ARHGEF16: variants seen among roughly 807,000 people sequenced by gnomAD.
ARHGEF16 encodes Rho guanine nucleotide exchange factor 16.
Under a neutral mutation model 74.1 loss-of-function variants are expected in ARHGEF16, and 59 were observed. The ratio of observed to expected loss-of-function variants is 0.80; its 90% CI spans 0.65 to 0.99. ARHGEF16 has a LOEUF of 0.99. Ranked by LOEUF, ARHGEF16 falls within the 50% of genes least tolerant of loss-of-function variation. ARHGEF16 has a pLI of 0.00. For missense variants in ARHGEF16, 948 were observed against 986.6 expected (o/e 0.96, Z 0.52); for synonymous variants, 415 against 412.6 (o/e 1.01, Z -0.07).
chr1:3,454,972 C>G (rs1639232596), intron 1 of ARHGEF16, among the ~76,000 whole-genome samples, 161 bp downstream of exon 1: 1 of 152,152 alleles, frequency 6.6e-6, no homozygotes, highest in Non-Finnish European at 1.5e-5. Flanking sequence ...AACTTCGCGA[C>G]CCTCCTGGGG....
Position 3,480,493 on chromosome 1 carries a change from T to TC in ARHGEF16, c.2040dup (p.Glu681ArgfsTer53), listed in dbSNP as rs1640026593. The stretch of plus-strand genomic sequence containing the variant: ...CTCCGGGACGGAGAGACGGGATGGT[T>TC]CCCCGAGGACTTTGCCCGCTTCATC... On this transcript the variant is annotated frameshift_variant, in exon 15 of 15. Coordinates refer to ENST00000378378, the MANE Select transcript of ARHGEF16 (RefSeq NM_014448.4). LOFTEE classifies it high-confidence loss of function. 1 of 1,612,596 alleles carries TC rather than the reference T, an allele frequency of 6.2e-7. No individual in the cohort carries two copies. The highest frequency in any genetic ancestry group is 1.7e-5 in the Admixed American group (1 of 60,028).
Position 3,480,662 on chromosome 1 carries a change from TG to T in ARHGEF16, c.*79del. 6.5e-7 allele frequency: 1 copy of T among 1,541,350 alleles called. No individual in the cohort carries two copies. The highest frequency in any genetic ancestry group is 8.7e-7 in the Non-Finnish European group (1 of 1,146,130). On this transcript the variant is annotated 3_prime_UTR_variant, in exon 15 of 15. Transcript: ENST00000378378. ...TGGTCGTGCCTGGCTCTAGAGAGCGTGGGGAGCTGGTCTCAAGGACCCAGCA... is the reference window on the plus strand; with the variant it reads ...TGGTCGTGCCTGGCTCTAGAGAGCGTGGGAGCTGGTCTCAAGGACCCAGCA...
At chr1:3,465,567 G>A (rs950284966) in intron 2 of ARHGEF16, among the ~76,000 whole-genome samples, 1 of 142,950 alleles carries the variant, frequency 7.0e-6, no homozygotes, top group Non-Finnish European at 1.6e-5. Flanking sequence ...GCCCCAACTC[G>A]TTCCGAGAAA....
intron 2 of ARHGEF16, among the ~76,000 whole-genome samples, chr1:3,465,656 C>T (rs1326733743): frequency 1.3e-5 from 2 of 152,180 alleles, no homozygotes; most frequent in Admixed American, 6.5e-5. Flanking sequence ...GGGTGGGCTC[C>T]GAGTCGGGCA....
chr1:3,461,934 A>G (rs994089278), intron 1 of ARHGEF16, among the ~76,000 whole-genome samples: 1 of 152,114 alleles, frequency 6.6e-6, no homozygotes, highest in Admixed American at 6.5e-5. Flanking sequence ...TGCCATTCCC[A>G]AGGGGCAGAA....
In ARHGEF16 at chr1:3,467,462, G is replaced by A; in HGVS notation, c.804+125G>A. The A allele has an allele frequency of 3.3e-6, 4 of 1,206,768 alleles. No individual in the cohort carries two copies. In the South Asian group the frequency reaches 4.8e-5, roughly 15 times the overall value. The allele number at this position is 1,206,768 out of a possible 1,614,324, so 74.8% of individuals were successfully genotyped here. A position where few individuals can be genotyped will look rare whatever the true frequency, so the allele number is the denominator to read the frequency against. On this transcript the variant is annotated intron_variant, in intron 4 of 14. Coordinates refer to ENST00000378378, the MANE Select transcript of ARHGEF16 (RefSeq NM_014448.4). Reference sequence around the variant, plus strand: ...GCAGCCCAGTCCTCCCAGGGAGGGTGGGCAGCCTTCCCAGAAGCCCCTCGG... The same window carrying A: ...GCAGCCCAGTCCTCCCAGGGAGGGTAGGCAGCCTTCCCAGAAGCCCCTCGG...
In ARHGEF16 at chr1:3,463,619, G is replaced by T. The variant is rs1022809354; in HGVS notation, c.535G>T (p.Ala179Ser). The change falls in exon 2 of 15, where the codon GCT (alanine) becomes TCT (serine). Residue 179 changes from alanine (A) to serine (S), a missense_variant. Transcript: ENST00000378378. ...CATCCAGCTAAGCCCTAAGCTCCAG[G>T]CTCTGGCTGAGGAACCCAGCCAGCC... ...DAIQLSPKLQ[A>S]LAEEPSQPHT... 7.0e-7 allele frequency: 1 copy of T among 1,432,376 alleles called. No individual in the cohort carries two copies. Among genetic ancestry groups the T allele is most frequent in the Non-Finnish European group, 9.2e-7 (1 of 1,088,040 alleles). 88.7% of individuals were successfully genotyped at this position (1,432,376 alleles called of 1,614,324 possible).
intron 13 of ARHGEF16, 40 bp downstream of exon 13, chr1:3,479,630 G>T (rs577006856): frequency 1.9e-6 from 3 of 1,598,668 alleles, no homozygotes; most frequent in Non-Finnish European, 8.5e-7. Context: ...GCCCTCTGCC[G>T]TGGCTGGCAC....
intron 1 of ARHGEF16, among the ~76,000 whole-genome samples, chr1:3,462,504 T>G (rs1639424216): frequency 6.6e-6 from 1 of 152,094 alleles, no homozygotes; most frequent in Non-Finnish European, 1.5e-5. Flanking sequence ...AAGACCCCAA[T>G]GAGGCAGAGG....
At chr1:3,477,797 C>A in intron 10 of ARHGEF16, 78 bp from the exon 11 acceptor site, 1 of 1,412,786 alleles carries the variant, frequency 7.1e-7, no homozygotes, top group Non-Finnish European at 9.9e-7. Context: ...TCCTTGACCC[C>A]CTGGGGACCT....
intron 6 of ARHGEF16, among the ~76,000 whole-genome samples, chr1:3,470,098 G>C (rs1490747378): frequency 6.6e-6 from 1 of 152,106 alleles, no homozygotes; most frequent in Non-Finnish European, 1.5e-5. Context: ...GCGTGGGGTG[G>C]GGTGGGGTGT....
At chr1:3,456,416 G>A (rs912677890) in intron 1 of ARHGEF16, among the ~76,000 whole-genome samples, 3 of 152,206 alleles carry the variant, frequency 2.0e-5, no homozygotes, top group Admixed American at 2.0e-4. Context: ...GGCTGCTCCT[G>A]TCCTTAGCAC....
At chr1:3,458,693 G>T (rs1236893706) in intron 1 of ARHGEF16, among the ~76,000 whole-genome samples, 1 of 152,246 alleles carries the variant, frequency 6.6e-6, no homozygotes, top group Non-Finnish European at 1.5e-5. Context: ...GGAAAGCCCT[G>T]TGCCTGAGAG....
chr1:3,479,737 C>A, intron 13 of ARHGEF16, 75 bp from the exon 14 acceptor site: 1 of 1,557,414 alleles, frequency 6.4e-7, no homozygotes, highest in South Asian at 1.1e-5. Context: ...GGGGATGTGT[C>A]TGCTGGAGGC....
rs771336733 is a variant in ARHGEF16, at chr1:3,479,833, C to T, written c.1910C>T (p.Thr637Ile). Residue 637 changes from threonine (T) to isoleucine (I), a missense_variant, in exon 14 of 15, where the codon ACC (threonine) becomes ATC (isoleucine). Physicochemically the swap from Thr to Ile is moderately conservative, Grantham distance 89 (BLOSUM62 -1). Transcript: ENST00000378378. Reference protein sequence around the residue: ...SKGDLPQVEITKAFFAKQADE... With the variant: ...SKGDLPQVEIIKAFFAKQADE... ...GCAGACCTGCCCCAGGTGGAGATCACCAAGGCCTTCTTCGCGAAGCAAGCA... is the reference window on the plus strand; with the variant it reads ...GCAGACCTGCCCCAGGTGGAGATCATCAAGGCCTTCTTCGCGAAGCAAGCA... 1 of 1,612,234 alleles carries T rather than the reference C, an allele frequency of 6.2e-7. No individual in the cohort carries two copies.
At chr1:3,478,047 TG>T in intron 11 of ARHGEF16, 21 bp downstream of exon 11, 3 of 1,612,442 alleles carry the variant, frequency 1.9e-6, no homozygotes, top group Non-Finnish European at 2.5e-6. Flanking sequence ...GGCAGGAGGG[TG>T]TGGGGAGCCC....
chr1:3,474,553 G>A (rs971848068), intron 8 of ARHGEF16, 155 bp from the exon 9 acceptor site: 13 of 667,694 alleles, frequency 1.9e-5, no homozygotes, highest in East Asian at 1.6e-4. Context: ...TGCAGAGGCC[G>A]TTCAGGGGCT....
At chr1:3,467,078 TG>T in intron 3 of ARHGEF16, 89 bp from the exon 4 acceptor site, 1 of 1,348,354 alleles carries the variant, frequency 7.4e-7, no homozygotes, top group Non-Finnish European at 1.0e-6. Flanking sequence ...TGAGAGCCTG[TG>T]GGCCTAGAGG....
chr1:3,464,624 G>A lies in ARHGEF16; in HGVS notation c.588+952G>A, dbSNP rs571412545. On this transcript the variant is annotated intron_variant, in intron 2 of 14. Transcript: ENST00000378378. ...CTTGTTGGGCGCCTTGCTCAGACGTGTTGGAAAACAGGCCCCAAGCATATG... is the reference window on the plus strand; with the variant it reads ...CTTGTTGGGCGCCTTGCTCAGACGTATTGGAAAACAGGCCCCAAGCATATG... Among the ~76,000 whole-genome samples the A allele has an allele frequency of 3.3e-5, 5 of 152,318 alleles. No homozygotes were observed. The East Asian group carries it at 9.7e-4, about 29-fold the overall frequency.
Sources: allele counts gnomAD v4.1 joint callset (sites outside exome capture counted in the v4.1 genomes callset), GRCh38; gene constraint gnomAD v4.1.1; transcripts MANE v1.5; gene names NCBI Gene and HGNC (gene_info 2026-07-23, HGNC 2026-07-21).